The following CCDC73 variants were observed in gnomAD, a reference collection of about 807,000 sequenced individuals.
The protein encoded by CCDC73 is coiled-coil domain containing 73.
CCDC73 carries 95 observed loss-of-function variants against 116.5 expected under a neutral mutation model. The observed-to-expected ratio is 0.82, with a 90% CI of 0.69 to 0.97. The LOEUF (loss-of-function observed/expected upper bound fraction) is 0.97. Among genes scored for constraint, CCDC73 ranks in the 50% least tolerant of loss-of-function variants. The pLI, the probability that CCDC73 is intolerant of heterozygous loss-of-function variation, is 0.00. For synonymous variants in CCDC73, 398 were observed against 401.3 expected (o/e 0.99, Z 0.10); for missense variants, 1,066 against 1,206.8 (o/e 0.88, Z 1.73).
intron 2 of CCDC73, among the ~76,000 whole-genome samples, chr11:32,731,206 G>GT (rs1850074495): frequency 6.6e-6 from 1 of 152,212 alleles, no homozygotes; most frequent in Non-Finnish European, 1.5e-5. Context: ...CAAACTGCAA[G>GT]GTGGCAGCGA....
At chr11:32,736,761 C>A (rs890901019) in intron 2 of CCDC73, among the ~76,000 whole-genome samples, 1 of 151,766 alleles carries the variant, frequency 6.6e-6, no homozygotes, top group African/African-American at 2.4e-5. Context: ...GGAACCAACC[C>A]AGATGTCCAT....
At chr11:32,739,503 C>T (rs1850164903) in intron 2 of CCDC73, among the ~76,000 whole-genome samples, 1 of 151,990 alleles carries the variant, frequency 6.6e-6, no homozygotes, top group African/African-American at 2.4e-5. Flanking sequence ...AGATTGCTTG[C>T]TGTTGGCATA....
intron 9 of CCDC73, among the ~76,000 whole-genome samples, chr11:32,671,255 C>T (rs1856035114): frequency 6.6e-6 from 1 of 152,046 alleles, no homozygotes; most frequent in African/African-American, 2.4e-5. Flanking sequence ...GACATTTACT[C>T]AGACAAACAG....
chr11:32,713,043 A>T lies in CCDC73; in HGVS notation c.207+5033T>A, dbSNP rs564148241. Among the ~76,000 whole-genome samples the T allele has an allele frequency of 2.0e-5, 3 of 152,244 alleles. No individual in the cohort carries two copies. In the South Asian group the frequency reaches 6.2e-4, roughly 32 times the overall value. On this transcript the variant is annotated intron_variant, in intron 3 of 17. Coordinates refer to ENST00000335185, the MANE Select transcript of CCDC73 (RefSeq NM_001008391.4). ...CTGGTATTGTTTTTCCATTACCCAA[A>T]GAAAGGAAAATCCATGACGACTCAG...
chr11:32,635,386 G>A (rs1032496588), intron 14 of CCDC73, among the ~76,000 whole-genome samples: 6 of 152,140 alleles, frequency 3.9e-5, no homozygotes, highest in Admixed American at 3.3e-4. Flanking sequence ...TCATAATAAA[G>A]AGTCCAGAAA....
chr11:32,798,518 C>T (rs767312797), upstream of CCDC73, among the ~76,000 whole-genome samples: 1 of 152,208 alleles, frequency 6.6e-6, no homozygotes, highest in Non-Finnish European at 1.5e-5. Flanking sequence ...GTTGCTCAGG[C>T]TAGTCTCAAA....
At chr11:32,776,155 A>G (rs535075965) in intron 1 of CCDC73, among the ~76,000 whole-genome samples, 1 of 151,954 alleles carries the variant, frequency 6.6e-6, no homozygotes, top group South Asian at 2.1e-4. Context: ...TCTTCCTTCT[A>G]ATTTGCTCTT....
At chr11:32,722,330 A>G (rs1297594765) in intron 2 of CCDC73, among the ~76,000 whole-genome samples, 1 of 152,206 alleles carries the variant, frequency 6.6e-6, no homozygotes, top group Non-Finnish European at 1.5e-5. Context: ...AAGCTTCCCA[A>G]CACACATTCC....
rs201709389 is a variant in CCDC73 at position 32,611,203 on chromosome 11, T to G, written c.2959A>C (p.Lys987Gln). The G allele has an allele frequency of 2.7e-5, 43 of 1,613,558 alleles. No homozygotes were observed. The African/African-American group carries it at 4.8e-4, about 18-fold the overall frequency. The change falls in exon 17 of 18, where the codon AAG becomes CAG. Residue 987 changes from lysine (K) to glutamine (Q), a missense_variant. Physicochemically the swap from Lys to Gln is moderately conservative, Grantham distance 53. Coordinates refer to ENST00000335185, the MANE Select transcript of CCDC73 (RefSeq NM_001008391.4). Reference sequence around the variant, plus strand: ...TTCTTCTCTTCACTGGGTTCTCCCTTGGGATCTGGATGGATACTCCAGTTA... The same window carrying G: ...TTCTTCTCTTCACTGGGTTCTCCCTGGGGATCTGGATGGATACTCCAGTTA... ...LNNWSIHPDP[K>Q]GEPSEEKNAM...
chr11:32,735,862 T>A (rs1469316397), intron 2 of CCDC73, among the ~76,000 whole-genome samples: 3 of 152,158 alleles, frequency 2.0e-5, no homozygotes, highest in Non-Finnish European at 4.4e-5. Context: ...ACCACACATC[T>A]ACAACCATCT....
chr11:32,718,213 T>C (rs910041223), intron 2 of CCDC73, 66 bp from the exon 3 acceptor site: 46 of 1,078,560 alleles, frequency 4.3e-5, no homozygotes, highest in Admixed American at 6.3e-5. Context: ...GTTTCAGCTC[T>C]TTCTGGAGAG....
intron 2 of CCDC73, among the ~76,000 whole-genome samples, chr11:32,744,986 AT>A (rs1850221935): frequency 6.6e-6 from 1 of 151,950 alleles, no homozygotes; most frequent in Non-Finnish European, 1.5e-5. Flanking sequence ...AGTTCTTTTA[AT>A]TGTGATGTTA....
Position 32,760,123 on chromosome 11 carries a change from A to G in CCDC73, c.121T>C (p.Leu41=). 1 of 1,600,630 alleles carries G rather than the reference A, an allele frequency of 6.2e-7. No homozygotes were observed. Among genetic ancestry groups the G allele is most frequent in the Non-Finnish European group, 8.5e-7 (1 of 1,175,314 alleles). The change falls in exon 2 of 18, where the codon TTG becomes CTG. Residue 41 remains leucine (L), a synonymous_variant. Coordinates refer to ENST00000335185, the MANE Select transcript of CCDC73 (RefSeq NM_001008391.4). ...AAGGAGCTTACCCTTCTCATACGCA[A>G]TTCTTCTAATGCCTCCAGTAAACTT... is the stretch of plus-strand genomic sequence containing the variant. ...KTSLLEALEE[L]RMRREAEIHY... is the part of the protein sequence containing the mutation.
the CCDC73 span, among the ~76,000 whole-genome samples, chr11:32,827,847 G>T: frequency 1.3e-5 from 2 of 152,184 alleles, no homozygotes; most frequent in Admixed American, 6.5e-5. Context: ...CCACCAGGAG[G>T]TCTCAGTGCT....
intron 9 of CCDC73, among the ~76,000 whole-genome samples, chr11:32,663,837 ATT>A (rs1855953999): frequency 6.6e-6 from 1 of 152,106 alleles, no homozygotes; most frequent in Non-Finnish European, 1.5e-5. Context: ...AGCTCTTATT[ATT>A]TTGAGATACA....
chr11:32,634,342 T>G lies in CCDC73; in HGVS notation c.1185+1354A>C, dbSNP rs563666759. ...GATCAACTCAAGTTTATCCCAGGAATGCAGGTTAACATCTGGAAGTCAACT... is the reference window on the plus strand; with the variant it reads ...GATCAACTCAAGTTTATCCCAGGAAGGCAGGTTAACATCTGGAAGTCAACT... On this transcript the variant is annotated intron_variant, in intron 14 of 17. Transcript: ENST00000335185. Among the ~76,000 whole-genome samples the G allele has an allele frequency of 7.2e-5, 11 of 152,250 alleles. No individual in the cohort carries two copies. In the South Asian group the frequency reaches 2.3e-3, roughly 32 times the overall value.
rs1855736395 is a variant in CCDC73, at chr11:32,641,926, A to G, written c.1050+46T>C. On this transcript the variant is annotated intron_variant, in intron 13 of 17. Coordinates refer to ENST00000335185, the MANE Select transcript of CCDC73 (RefSeq NM_001008391.4). ...GCATTTATAGTTATTTTAAATGTCT[A>G]AAACTATTTAAAATATTTTAATATT... 1.6e-6 allele frequency: 2 copies of G among 1,251,552 alleles called. 1 individual carries two copies. The highest frequency in any genetic ancestry group is 6.0e-5 in the East Asian group (2 of 33,170). 77.5% of individuals were successfully genotyped at this position (1,251,552 alleles called of 1,614,324 possible).
chr11:32,725,686 G>A (rs1850024689), intron 2 of CCDC73, among the ~76,000 whole-genome samples: 2 of 152,188 alleles, frequency 1.3e-5, no homozygotes, highest in Non-Finnish European at 2.9e-5. Flanking sequence ...GGTTGGTCTA[G>A]AAGGTTGGTC....
intron 3 of CCDC73, among the ~76,000 whole-genome samples, chr11:32,713,581 T>TA (rs1301085992): frequency 6.6e-6 from 1 of 151,998 alleles, no homozygotes; most frequent in African/African-American, 2.4e-5. Flanking sequence ...TGAAGAAGTT[T>TA]AAAAAGCCTA....
Sources: allele counts gnomAD v4.1 joint callset (sites outside exome capture counted in the v4.1 genomes callset), GRCh38; gene constraint gnomAD v4.1.1; transcripts MANE v1.5; gene names NCBI Gene and HGNC (gene_info 2026-07-23, HGNC 2026-07-21).